CLIP4: variants seen among roughly 807,000 people sequenced by gnomAD.
CLIP4 encodes the protein CAP-Gly domain containing linker protein family member 4.
CLIP4 carries 47 observed loss-of-function variants against 73.1 expected under a neutral mutation model. The ratio of observed to expected loss-of-function variants is 0.64; its 90% CI spans 0.51 to 0.82. CLIP4 has a LOEUF of 0.82. Ranked by LOEUF, CLIP4 falls within the 40% of genes least tolerant of loss-of-function variation. The pLI is 0.00. For missense variants in CLIP4, 874 were observed against 852.9 expected, an observed-to-expected ratio of 1.02 and a Z score of -0.31; for synonymous variants, 306 against 295.4, an observed-to-expected ratio of 1.04 and a Z score of -0.37.
intron 1 of CLIP4, among the ~76,000 whole-genome samples, chr2:29,107,292 CTG>C (rs750350337): frequency 1.4e-3 from 207 of 146,696 alleles, no homozygotes; most frequent in Admixed American, 3.2e-3. Flanking sequence ...TCAGATTTTC[CTG>C]TGTGTGTGTG....
rs371486572 is a variant in CLIP4 at position 29,165,976 on chromosome 2, A to C, written c.1659-1500A>C. Among the ~76,000 whole-genome samples, 68 of 59,608 alleles carry C rather than the reference A, an allele frequency of 1.1e-3. 1 individual carries two copies. The highest frequency in any genetic ancestry group is 6.1e-3 in the East Asian group (2 of 330). 39.1% of individuals were successfully genotyped at this position (59,608 alleles called of 152,430 possible). On this transcript the variant is annotated intron_variant, in intron 13 of 15. Transcript: ENST00000320081. The stretch of plus-strand genomic sequence containing the variant: ...TTTAAAAAGCAGCCCCCTCTTCTTC[A>C]AAAAAAAAAAAATAGGGCTGTCTCT...
intron 15 of CLIP4, among the ~76,000 whole-genome samples, chr2:29,177,810 GC>G (rs1226085812): frequency 6.6e-6 from 1 of 152,088 alleles, no homozygotes; most frequent in Non-Finnish European, 1.5e-5. Context: ...CTAGAACATA[GC>G]CCCATGCCTG....
rs143858707 is a variant in CLIP4 at position 29,099,946 on chromosome 2, G to A, written c.-16+1999G>A. ...AACTCTTTCTCTCTCTCTTTTTGATGCTAATGTAAATGGTATTGTGTTTTA... is the reference window on the plus strand; with the variant it reads ...AACTCTTTCTCTCTCTCTTTTTGATACTAATGTAAATGGTATTGTGTTTTA... On this transcript the variant is annotated intron_variant, in intron 1 of 14. Transcript: ENST00000401605. Among the ~76,000 whole-genome samples, 658 of 152,040 alleles carry A rather than the reference G, an allele frequency of 4.3e-3. 5 individuals are homozygous for A. Among genetic ancestry groups the A allele is most frequent in the South Asian group, 0.031 (149 of 4,796 alleles).
chr2:29,181,681 GA>G lies in CLIP4; in HGVS notation c.1907del (p.Glu636GlyfsTer49), dbSNP rs1319620191. The G allele has an allele frequency of 1.2e-6, 2 of 1,614,076 alleles. No individual in the cohort carries two copies. Among genetic ancestry groups the G allele is most frequent in the Non-Finnish European group, 1.7e-6 (2 of 1,180,040 alleles). ...GSQVLLTSSN[E>X]MGTVRYVGPT... ...TCAGGTCCTGCTCACGAGCTCCAATGAGATGGGTACTGTTAGGTATGTGGGC... is the reference window on the plus strand; with the variant it reads ...TCAGGTCCTGCTCACGAGCTCCAATGGATGGGTACTGTTAGGTATGTGGGC... On this transcript the variant is annotated frameshift_variant, in exon 16 of 16. Coordinates refer to ENST00000320081, the MANE Select transcript of CLIP4 (RefSeq NM_024692.6). LOFTEE classifies it high-confidence loss of function.
chr2:29,130,646 T>G, intron 2 of CLIP4: 1 of 1,129,714 alleles, frequency 8.9e-7, no homozygotes, highest in Non-Finnish European at 1.1e-6. Context: ...TGTCTAAGCT[T>G]ACGAATGTTA....
chr2:29,142,961 C>T, intron 6 of CLIP4, among the ~76,000 whole-genome samples: 1 of 152,166 alleles, frequency 6.6e-6, no homozygotes, highest in East Asian at 1.9e-4. Flanking sequence ...GGACAAATCC[C>T]AGGATACAGT....
intron 14 of CLIP4, among the ~76,000 whole-genome samples, chr2:29,169,329 CTGTGTGTGTGTGTGTGTGTG>C (rs70958249): frequency 1.1e-4 from 16 of 140,426 alleles, no homozygotes; most frequent in African/African-American, 2.1e-4. Context: ...GTCTTTTTCA[CTGTGTGTGTGTGTGTGTGTG>C]TGTGTGTGTG....
At chr2:29,136,882 C>T (rs553582585) in intron 6 of CLIP4, among the ~76,000 whole-genome samples, 15 of 151,094 alleles carry the variant, frequency 9.9e-5, no homozygotes, top group African/African-American at 2.4e-4. Flanking sequence ...CCATGAGATA[C>T]GTTATTGAGC....
At chr2:29,173,944 G>A (rs1294482173) in intron 14 of CLIP4, among the ~76,000 whole-genome samples, 1 of 152,042 alleles carries the variant, frequency 6.6e-6, no homozygotes, top group Non-Finnish European at 1.5e-5. Flanking sequence ...CTTTATAAAT[G>A]TGTAATTCAA....
intron 2 of CLIP4, among the ~76,000 whole-genome samples, chr2:29,128,895 CTTATA>C (rs922685603): frequency 6.3e-4 from 96 of 152,176 alleles, no homozygotes; most frequent in African/African-American, 2.2e-3. Flanking sequence ...AGCACGTTTC[CTTATA>C]TTATAATTTT....
intron 1 of CLIP4, among the ~76,000 whole-genome samples, chr2:29,101,260 A>G (rs1444778341): frequency 1.3e-5 from 2 of 148,526 alleles, no homozygotes; most frequent in Non-Finnish European, 3.0e-5. Context: ...ACTGCACTCC[A>G]GCCTGGGCAA....
rs1428995339 is a variant in CLIP4, at chr2:29,143,949, C to T, written c.885+4C>T. ...TGTTGTTATTGCAGGACAGAAGGTACAGTAAGTAACTGCAATCTCTGAAGC... is the reference window on the plus strand; with the variant it reads ...TGTTGTTATTGCAGGACAGAAGGTATAGTAAGTAACTGCAATCTCTGAAGC... On this transcript the variant is annotated splice_donor_region_variant and intron_variant, in intron 7 of 15. Coordinates refer to ENST00000320081, the MANE Select transcript of CLIP4 (RefSeq NM_024692.6). 2.5e-6 allele frequency: 4 copies of T among 1,611,300 alleles called. No individual in the cohort carries two copies. In the African/African-American group the frequency reaches 5.3e-5, roughly 21 times the overall value.
At chr2:29,128,948 G>T (rs1664792527) in intron 2 of CLIP4, among the ~76,000 whole-genome samples, 1 of 152,048 alleles carries the variant, frequency 6.6e-6, no homozygotes, top group Non-Finnish European at 1.5e-5. Flanking sequence ...ACACACCCAG[G>T]TATCTTTAGT....
intron 3 of CLIP4, chr2:29,131,694 G>T: frequency 3.8e-6 from 1 of 263,870 alleles, no homozygotes; most frequent in Non-Finnish European, 7.0e-6. Flanking sequence ...TTTCATAAAG[G>T]GATTTGATTA....
intron 14 of CLIP4, chr2:29,167,958 C>T (rs1667736577): frequency 6.5e-6 from 1 of 152,872 alleles, no homozygotes. Flanking sequence ...GGGTTATATC[C>T]TGTGTCTTTT....
intron 1 of CLIP4, among the ~76,000 whole-genome samples, chr2:29,098,366 T>C (rs1464159153): frequency 6.6e-6 from 1 of 152,220 alleles, no homozygotes; most frequent in Non-Finnish European, 1.5e-5. Flanking sequence ...CAGAATAGTT[T>C]CACTGCCTTT....
At chr2:29,140,426 T>G (rs1270037938) in intron 6 of CLIP4, among the ~76,000 whole-genome samples, 2 of 152,156 alleles carry the variant, frequency 1.3e-5, no homozygotes. Flanking sequence ...TTTTTATGGC[T>G]GCATAGTATT....
chr2:29,116,722 G>A (rs1241879183), intron 1 of CLIP4, among the ~76,000 whole-genome samples: 1 of 152,190 alleles, frequency 6.6e-6, no homozygotes, highest in African/African-American at 2.4e-5. Flanking sequence ...TTTTTTAAAT[G>A]CTTTCATTTG....
intron 2 of CLIP4, among the ~76,000 whole-genome samples, chr2:29,126,780 T>C (rs1664634919): frequency 6.6e-6 from 1 of 152,226 alleles, no homozygotes; most frequent in Non-Finnish European, 1.5e-5. Context: ...ACATGAGCCA[T>C]GATGGCGATT....
Sources: allele counts gnomAD v4.1 joint callset (sites outside exome capture counted in the v4.1 genomes callset), GRCh38; gene constraint gnomAD v4.1.1; transcripts MANE v1.5; gene names NCBI Gene and HGNC (gene_info 2026-07-23, HGNC 2026-07-21).